Variants in AASDH observed in about 807,000 individuals in gnomAD.
AASDH encodes the protein aminoadipate-semialdehyde dehydrogenase.
A neutral mutation model predicts 102.3 loss-of-function variants in AASDH; 81 were observed. The ratio of observed to expected loss-of-function variants is 0.79; its 90% CI spans 0.66 to 0.95. AASDH has a LOEUF of 0.95. Among genes scored for constraint, AASDH ranks in the 40% least tolerant of loss-of-function variants. The pLI is 0.00. For synonymous variants in AASDH, 398 were observed against 454.0 expected (o/e 0.88, Z 1.57); for missense variants, 1,203 against 1,266.2 (o/e 0.95, Z 0.76).
At chr4:56,353,379 A>G (rs745746235) in intron 9 of AASDH, 25 bp downstream of exon 9, 5 of 1,552,686 alleles carry the variant, frequency 3.2e-6, no homozygotes, top group Admixed American at 4.0e-5. Context: ...TGGCACTGAA[A>G]CATATCTGCT....
At chr4:56,384,983 C>T (rs1253939794) in intron 1 of AASDH, among the ~76,000 whole-genome samples, 2 of 152,006 alleles carry the variant, frequency 1.3e-5, no homozygotes, top group African/African-American at 4.8e-5. Flanking sequence ...GTGAGGCAGG[C>T]GAATCACTTG....
chr4:56,338,987 C>G (rs1294163093), intron 14 of AASDH, among the ~76,000 whole-genome samples, 196 bp from the exon 15 acceptor site: 1 of 152,014 alleles, frequency 6.6e-6, no homozygotes, highest in Non-Finnish European at 1.5e-5. Flanking sequence ...AATGTAAAAT[C>G]TAAGACAAAA....
intron 5 of AASDH, among the ~76,000 whole-genome samples, chr4:56,361,599 G>A (rs1750304815): frequency 6.6e-6 from 1 of 152,006 alleles, no homozygotes; most frequent in African/African-American, 2.4e-5. Flanking sequence ...GTTTTTTAAG[G>A]AAAAACTCAG....
chr4:56,338,626 A>T lies in AASDH; in HGVS notation c.3073T>A (p.Phe1025Ile). ...CTGCCATTGTAGTTATGGAAAGCAA[A>T]CGGTGTTGCATAGACCCTTGAAGTA... ...ETTSRVYATP[F>I]AFHNYNGSNE... The change falls in exon 15 of 15, where the codon TTT becomes ATT. Residue 1025 changes from phenylalanine to isoleucine, a missense_variant. By Grantham distance (21) the Phe-to-Ile change is conservative. Transcript: ENST00000205214. 1 of 1,614,202 alleles carries T rather than the reference A, an allele frequency of 6.2e-7. No homozygotes were observed. The highest frequency in any genetic ancestry group is 8.5e-7 in the Non-Finnish European group (1 of 1,180,032).
intron 6 of AASDH, 82 bp from the exon 7 acceptor site, chr4:56,354,893 C>T (rs1749418308): frequency 9.5e-6 from 11 of 1,162,838 alleles, no homozygotes; most frequent in Middle Eastern, 2.6e-4. Context: ...CATACTGTAC[C>T]AAATAAAGAA....
Position 56,349,781 on chromosome 4 carries a change from C to T in AASDH, c.1970G>A (p.Ser657Asn), listed in dbSNP as rs1385625717. 1.2e-6 allele frequency: 2 copies of T among 1,614,096 alleles called. No homozygotes were observed. Among genetic ancestry groups the T allele is most frequent in the Non-Finnish European group, 1.7e-6 (2 of 1,180,028 alleles). The part of the protein sequence containing the change: ...KLSDINQEEA[S>N]GTSLHQKAIM... ...GGCTTTCTGATGTAAAGATGTTCCA[C>T]TGGCTTCCTCTTGATTAATGTCGCT... Residue 657 changes from serine (S) to asparagine (N), a missense_variant, in exon 11 of 15, where the codon AGT (serine) becomes AAT (asparagine). Physicochemically the swap from Ser to Asn is conservative, Grantham distance 46. Coordinates refer to ENST00000205214, the MANE Select transcript of AASDH (RefSeq NM_181806.4).
chr4:56,351,190 A>T (rs1577978547), intron 10 of AASDH, 152 bp downstream of exon 10: 1 of 533,692 alleles, frequency 1.9e-6, no homozygotes, highest in Non-Finnish European at 3.3e-6. Context: ...CTTCATTTTA[A>T]TACAAATTGG....
Position 56,355,324 on chromosome 4 carries a change from C to T in AASDH, c.961G>A (p.Ala321Thr). 6.2e-7 allele frequency: 1 copy of T among 1,614,172 alleles called. No individual in the cohort carries two copies. Residue 321 changes from alanine (A) to threonine (T), a missense_variant, in exon 6 of 15, where the codon GCG becomes ACG. Ala to Thr is a moderately conservative substitution (Grantham distance 58). Transcript: ENST00000205214. Reference sequence around the variant, plus strand: ...CTGAGAACTGTCAATGATGGAAACGCTTCACCACCAAGGGCTAATACTCGA... The same window carrying T: ...CTGAGAACTGTCAATGATGGAAACGTTTCACCACCAAGGGCTAATACTCGA... ...SLRVLALGGE[A>T]FPSLTVLRSW...
chr4:56,349,933 T>C lies in AASDH; in HGVS notation c.1818A>G (p.Ser606=). 1 of 1,614,040 alleles carries C rather than the reference T, an allele frequency of 6.2e-7. No individual in the cohort carries two copies. Among genetic ancestry groups the C allele is most frequent in the Non-Finnish European group, 8.5e-7 (1 of 1,180,020 alleles). ...GAATAATTTCCAGAAGCCCAGGTAC[T>C]GATGTACCAACAAGTTTTTCAATCT... The part of the protein sequence containing the change: ...LSEIEKLVGT[S]VPGLLEIILS... Residue 606 remains serine, a synonymous_variant, in exon 11 of 15, where the codon TCA becomes TCG. Transcript: ENST00000205214.
In AASDH at chr4:56,338,549, C is replaced by G. The variant is rs745396742; in HGVS notation, c.3150G>C (p.Leu1050Phe). ...AASTDGKVWILESQSGQLQSV... is the reference protein window; with the variant it reads ...AASTDGKVWIFESQSGQLQSV... ...TTTGCAATTGTCCACTCTGAGATTCCAAGATCCACACTTTCCCATCAGTAG... is the reference window on the plus strand; with the variant it reads ...TTTGCAATTGTCCACTCTGAGATTCGAAGATCCACACTTTCCCATCAGTAG... The change falls in exon 15 of 15, where the codon TTG becomes TTC. Residue 1050 changes from leucine (L) to phenylalanine (F), a missense_variant. Coordinates refer to ENST00000205214, the MANE Select transcript of AASDH (RefSeq NM_181806.4). 1.2e-6 allele frequency: 2 copies of G among 1,613,790 alleles called. No homozygotes were observed. Among genetic ancestry groups the G allele is most frequent in the Admixed American group, 3.3e-5 (2 of 59,958 alleles).
intron 5 of AASDH, among the ~76,000 whole-genome samples, chr4:56,360,689 G>T (rs116359160): frequency 1.8e-3 from 276 of 151,900 alleles, no homozygotes; most frequent in African/African-American, 6.3e-3. Flanking sequence ...CTCTTCACTT[G>T]GCCAGAGCCA....
chr4:56,338,545 A>G lies in AASDH; in HGVS notation c.3154T>C (p.Ser1052Pro). Residue 1052 changes from serine (S) to proline (P), a missense_variant, in exon 15 of 15, where the codon TCT becomes CCT. By Grantham distance (74) the Ser-to-Pro change is moderately conservative. Coordinates refer to ENST00000205214, the MANE Select transcript of AASDH (RefSeq NM_181806.4). ...ACACTTTGCAATTGTCCACTCTGAG[A>G]TTCCAAGATCCACACTTTCCCATCA... is the stretch of plus-strand genomic sequence containing the variant. ...STDGKVWILE[S>P]QSGQLQSVYE... The G allele has an allele frequency of 6.2e-7, 1 of 1,612,578 alleles. No homozygotes were observed. Among genetic ancestry groups the G allele is most frequent in the Non-Finnish European group, 8.5e-7 (1 of 1,179,540 alleles).
intron 3 of AASDH, chr4:56,382,272 T>A (rs1313031650): frequency 4.3e-6 from 2 of 460,922 alleles, no homozygotes; most frequent in East Asian, 9.9e-5. Context: ...GTCTAGCGAG[T>A]GGAGGTCAAA....
At position 56,368,046 on chromosome 4, in the gene AASDH, C is replaced by A. The variant is rs1751234935; in HGVS notation, c.861+3405G>T. Among the ~76,000 whole-genome samples, 4 of 152,156 alleles carry A rather than the reference C, an allele frequency of 2.6e-5. No individual in the cohort carries two copies. In the South Asian group the frequency reaches 6.2e-4, roughly 24 times the overall value. ...AGAAAAAAACAAAAAACCCCATCAACAAGTGGGCGAAGGATATGAACAGAC... is the reference window on the plus strand; with the variant it reads ...AGAAAAAAACAAAAAACCCCATCAAAAAGTGGGCGAAGGATATGAACAGAC... On this transcript the variant is annotated intron_variant, in intron 5 of 14. Coordinates refer to ENST00000205214, the MANE Select transcript of AASDH (RefSeq NM_181806.4).
intron 1 of AASDH, 38 bp downstream of exon 1, chr4:56,387,324 C>G (rs1354473592): frequency 6.6e-6 from 1 of 152,470 alleles, no homozygotes; most frequent in Non-Finnish European, 1.5e-5. Flanking sequence ...CTCCTTCACA[C>G]AGACCCCCGC....
At chr4:56,346,612 C>T (rs1748359695) in intron 11 of AASDH, among the ~76,000 whole-genome samples, 1 of 152,014 alleles carries the variant, frequency 6.6e-6, no homozygotes, top group African/African-American at 2.4e-5. Context: ...AGAAAACATG[C>T]AAAACATATA....
At chr4:56,380,953 A>ATACT (rs1368733821) in intron 3 of AASDH, among the ~76,000 whole-genome samples, 1 of 152,252 alleles carries the variant, frequency 6.6e-6, no homozygotes, top group Non-Finnish European at 1.5e-5. Flanking sequence ...ATGCTTAAAA[A>ATACT]TACTTACTGA....
At chr4:56,378,524 T>C (rs1752613710) in intron 3 of AASDH, 60 bp from the exon 4 acceptor site, 3 of 1,327,934 alleles carry the variant, frequency 2.3e-6, no homozygotes, top group African/African-American at 1.5e-5. Context: ...TTCTTCTTTA[T>C]ATAGAAGTAA....
chr4:56,376,894 C>T (rs373595877), intron 4 of AASDH, among the ~76,000 whole-genome samples: 1 of 151,258 alleles, frequency 6.6e-6, no homozygotes, highest in South Asian at 2.1e-4. Context: ...AGTGAAACCC[C>T]GTCTCTACTA....
Sources: gnomAD v4.1 joint callset for allele counts (sites outside exome capture counted in the v4.1 genomes callset) on GRCh38, gnomAD v4.1.1 for gene constraint, MANE v1.5 for transcripts, NCBI Gene and HGNC (gene_info 2026-07-23, HGNC 2026-07-21) for gene names.